The following SKAP1 variants were observed in gnomAD, a reference collection of about 807,000 sequenced individuals.
SKAP1 encodes src kinase associated phosphoprotein 1.
Under a neutral mutation model 58.5 loss-of-function variants are expected in SKAP1, and 44 were observed. The ratio of observed to expected loss-of-function variants is 0.75; its 90% CI spans 0.59 to 0.97. SKAP1 has a LOEUF of 0.97. Ranked by LOEUF, SKAP1 falls within the 50% of genes least tolerant of loss-of-function variation. The pLI is 0.00. For synonymous variants in SKAP1, 127 were observed against 149.7 expected (o/e 0.85, Z 1.11); for missense variants, 390 against 435.2 (o/e 0.90, Z 0.92).
chr17:48,252,683 G>C (rs1348760205), intron 4 of SKAP1, among the ~76,000 whole-genome samples: 2 of 151,082 alleles, frequency 1.3e-5, no homozygotes, highest in Admixed American at 1.3e-4. Context: ...GAATCAGACT[G>C]TGTGATAAAA....
intron 2 of SKAP1, among the ~76,000 whole-genome samples, chr17:48,375,003 T>C (rs1295727507): frequency 6.6e-6 from 1 of 152,218 alleles, no homozygotes; most frequent in Non-Finnish European, 1.5e-5. Flanking sequence ...ACCTAATGCC[T>C]ACCTACAAGG....
chr17:48,138,619 C>T lies in SKAP1; in HGVS notation c.979-1282G>A, dbSNP rs113336411. On this transcript the variant is annotated intron_variant, in intron 11 of 12. Coordinates refer to ENST00000336915, the MANE Select transcript of SKAP1 (RefSeq NM_003726.4). ...TTCTGACCCCAGATGATCCACCCGC[C>T]TCAGCCTCCCAAAGTGCTGGGATTA... Among the ~76,000 whole-genome samples the T allele has an allele frequency of 3.4e-3, 522 of 152,288 alleles. 8 individuals carry two copies. Among genetic ancestry groups the T allele is most frequent in the African/African-American group, 0.012 (510 of 41,556 alleles).
At chr17:48,413,234 G>T (rs2067687106) in intron 1 of SKAP1, among the ~76,000 whole-genome samples, 1 of 151,810 alleles carries the variant, frequency 6.6e-6, no homozygotes, top group African/African-American at 2.4e-5. Context: ...GCTTTTCAGG[G>T]CTGGGCGCAG....
chr17:48,136,967 C>A, intron 12 of SKAP1: 1 of 308,162 alleles, frequency 3.2e-6, no homozygotes, highest in Non-Finnish European at 6.2e-6. Context: ...CTGTGCCTGG[C>A]TTTCTGTGTT....
chr17:48,182,526 C>T, intron 7 of SKAP1, 69 bp from the exon 8 acceptor site: 1 of 1,091,484 alleles, frequency 9.2e-7, no homozygotes, highest in Non-Finnish European at 1.4e-6. Flanking sequence ...CAGGGATGTC[C>T]AAGGGGGAGG....
intron 4 of SKAP1, among the ~76,000 whole-genome samples, chr17:48,337,854 A>T (rs904132842): frequency 6.6e-6 from 1 of 152,174 alleles, no homozygotes; most frequent in Non-Finnish European, 1.5e-5. Flanking sequence ...ATTGAAAAGC[A>T]TGCTGAGATC....
chr17:48,171,470 C>T (rs1286769407), intron 9 of SKAP1, among the ~76,000 whole-genome samples: 1 of 152,084 alleles, frequency 6.6e-6, no homozygotes, highest in Non-Finnish European at 1.5e-5. Context: ...CTTCCCTTCC[C>T]TTTCATTTAT....
At chr17:48,227,754 C>G (rs533980171) in intron 4 of SKAP1, among the ~76,000 whole-genome samples, 30 of 152,260 alleles carry the variant, frequency 2.0e-4, no homozygotes, top group Admixed American at 3.3e-4. Context: ...TGGTGAAGAA[C>G]ATGGACTCTG....
rs545432102 is a variant in SKAP1, at chr17:48,252,294, GA to G, written c.281-62795del. Among the ~76,000 whole-genome samples the G allele has an allele frequency of 4.6e-5, 7 of 152,258 alleles. No homozygotes were observed. In the South Asian group the frequency reaches 1.5e-3, roughly 32 times the overall value. The stretch of plus-strand genomic sequence containing the variant: ...AAGAGCACACACATGAGTGTTATAG[GA>G]CAGGAAGACACAGTCCTTGATTTTA... On this transcript the variant is annotated intron_variant, in intron 4 of 12. Transcript: ENST00000336915.
chr17:48,280,274 GCATGGTACAACATGGTGAAACGCCGTCT>G (rs2065750107), intron 4 of SKAP1, among the ~76,000 whole-genome samples: 1 of 152,082 alleles, frequency 6.6e-6, no homozygotes, highest in Admixed American at 6.6e-5. Context: ...TTTGAGACCA[GCATGGTACAACATGGTGAAACGCCGTCT>G]CTACTAAAAA....
chr17:48,413,001 A>T (rs1173266518), intron 1 of SKAP1, among the ~76,000 whole-genome samples: 6 of 151,944 alleles, frequency 3.9e-5, no homozygotes. Flanking sequence ...CCAGCTTTTT[A>T]AAAAAATCTG....
At chr17:48,184,637 AC>A in intron 7 of SKAP1, 85 bp downstream of exon 7, 2 of 1,541,718 alleles carry the variant, frequency 1.3e-6, no homozygotes, top group Non-Finnish European at 1.8e-6. Flanking sequence ...AAAGGCTGGA[AC>A]CCAGCATAGC....
At chr17:48,245,164 C>G (rs541854188) in intron 4 of SKAP1, among the ~76,000 whole-genome samples, 1 of 152,302 alleles carries the variant, frequency 6.6e-6, no homozygotes, top group East Asian at 1.9e-4. Flanking sequence ...TGGTAGGAAC[C>G]TGGAAAATAG....
At chr17:48,320,508 T>C (rs577749498) in intron 4 of SKAP1, among the ~76,000 whole-genome samples, 1 of 152,160 alleles carries the variant, frequency 6.6e-6, no homozygotes, top group Non-Finnish European at 1.5e-5. Flanking sequence ...CTCCTAAAAA[T>C]ACTAATGGTT....
chr17:48,146,123 T>C (rs1394625604), intron 11 of SKAP1, among the ~76,000 whole-genome samples: 3 of 152,130 alleles, frequency 2.0e-5, no homozygotes, highest in African/African-American at 7.2e-5. Flanking sequence ...ATGGTCTTTA[T>C]GGGCTGGATC....
intron 4 of SKAP1, among the ~76,000 whole-genome samples, chr17:48,200,715 A>G (rs1032544767): frequency 2.6e-5 from 4 of 152,150 alleles, no homozygotes; most frequent in Admixed American, 2.6e-4. Flanking sequence ...ACTGATGTGG[A>G]ATTAAGAAGG....
rs547509293 is a variant in SKAP1, at chr17:48,181,617, G to A, written c.631+777C>T. On this transcript the variant is annotated intron_variant, in intron 8 of 12. Coordinates refer to ENST00000336915, the MANE Select transcript of SKAP1 (RefSeq NM_003726.4). ...TAAAAATCTGAGATGAAAAGGCTTT[G>A]CGTTTTTAGCTTGACGTGTGTCTTT... Among the ~76,000 whole-genome samples the A allele has an allele frequency of 1.1e-4, 17 of 152,294 alleles. No homozygotes were observed. The South Asian group carries it at 3.3e-3, about 30-fold the overall frequency.
intron 4 of SKAP1, among the ~76,000 whole-genome samples, chr17:48,284,375 A>G (rs1346382718): frequency 2.0e-5 from 3 of 152,246 alleles, no homozygotes; most frequent in Non-Finnish European, 4.4e-5. Flanking sequence ...TTATTAGAAC[A>G]TGGAGGAAAA....
chr17:48,433,487 G>A (rs2144638964), upstream of SKAP1, among the ~76,000 whole-genome samples: 1 of 152,250 alleles, frequency 6.6e-6, no homozygotes, highest in South Asian at 2.1e-4. Context: ...AGGTCTGTCT[G>A]CCTCCCTTTT....
Sources: allele counts gnomAD v4.1 joint callset (sites outside exome capture counted in the v4.1 genomes callset), GRCh38; gene constraint gnomAD v4.1.1; transcripts MANE v1.5; gene names NCBI Gene and HGNC (gene_info 2026-07-23, HGNC 2026-07-21).